Variants in ZNF148 observed in about 807,000 individuals in gnomAD.
ZNF148 encodes Beta-Enolase Repressor Factor-1.
Under a neutral mutation model 67.7 loss-of-function variants are expected in ZNF148, and 7 were observed. That is an observed-to-expected ratio of 0.10 (90% CI 0.06 to 0.19). The LOEUF (loss-of-function observed/expected upper bound fraction) is 0.19, where lower values mean the gene tolerates loss of function less well. Among genes scored for constraint, ZNF148 ranks in the 10% least tolerant of loss-of-function variants. The pLI, the probability that ZNF148 is intolerant of heterozygous loss-of-function variation, is 1.00. For missense variants in ZNF148, 583 were observed against 947.1 expected (o/e 0.62, Z 5.05); for synonymous variants, 333 against 330.7 (o/e 1.01, Z -0.08).
At chr3:125,297,108 G>C (rs1388097892) in intron 4 of ZNF148, among the ~76,000 whole-genome samples, 2 of 135,500 alleles carry the variant, frequency 1.5e-5, no homozygotes, top group African/African-American at 5.7e-5. Context: ...TCTAGTCCTA[G>C]CACAAATCCT....
chr3:125,280,775 A>AAG, intron 5 of ZNF148, among the ~76,000 whole-genome samples: 2 of 149,252 alleles, frequency 1.3e-5, no homozygotes, highest in East Asian at 1.9e-4. Flanking sequence ...AAAAAAAAAA[A>AAG]GGCACAACAT....
At position 125,310,854 on chromosome 3, in the gene ZNF148, C is replaced by G. The variant is rs78385620; in HGVS notation, c.333+2454G>C. 5.6e-5 allele frequency: 11 copies of G among 195,990 alleles called. No homozygotes were observed. In the East Asian group the frequency reaches 1.2e-3, roughly 22 times the overall value. 12.1% of individuals were successfully genotyped at this position (195,990 alleles called of 1,614,324 possible). ...AAATGGACACTTAAAAATTGTTGCT[C>G]TCTCCTCTGCTCGCATTTTCACTCT... On this transcript the variant is annotated intron_variant, in intron 4 of 8. Transcript: ENST00000360647.
rs541859827 is a variant in ZNF148, at chr3:125,300,340, A to T, written c.334-12112T>A. Among the ~76,000 whole-genome samples the T allele has an allele frequency of 4.6e-5, 7 of 152,348 alleles. No individual in the cohort carries two copies. The East Asian group carries it at 1.3e-3, about 29-fold the overall frequency. ...TAAAAGACAATGCAATCACTTCAAA[A>T]GGTAAGGACCCAACAGCCAGTGCAA... On this transcript the variant is annotated intron_variant, in intron 4 of 8. Coordinates refer to ENST00000360647, the MANE Select transcript of ZNF148 (RefSeq NM_021964.3).
intron 7 of ZNF148, among the ~76,000 whole-genome samples, chr3:125,257,112 A>T (rs1465339014): frequency 1.3e-5 from 2 of 151,974 alleles, no homozygotes; most frequent in Non-Finnish European, 2.9e-5. Flanking sequence ...CTAATCTCTG[A>T]ATCACCCATG....
intron 4 of ZNF148, among the ~76,000 whole-genome samples, chr3:125,303,890 C>T (rs542440757): frequency 5.9e-4 from 90 of 151,950 alleles, no homozygotes; most frequent in African/African-American, 1.8e-3. Flanking sequence ...GATACACTGT[C>T]GCAATGTGAA....
At chr3:125,235,714 C>T (rs961416842) in intron 7 of ZNF148, among the ~76,000 whole-genome samples, 14 of 151,612 alleles carry the variant, frequency 9.2e-5, no homozygotes, top group East Asian at 7.7e-4. Flanking sequence ...TGTCCAACAA[C>T]GATAGACTGG....
chr3:125,301,637 G>A (rs908522186), intron 4 of ZNF148, among the ~76,000 whole-genome samples: 2 of 152,126 alleles, frequency 1.3e-5, no homozygotes, highest in African/African-American at 4.8e-5. Flanking sequence ...TCATTAACAT[G>A]CTCAATATCA....
rs1204677848 is a variant in ZNF148 at position 125,228,732 on chromosome 3, T to A, written c.*3609A>T. 6.6e-6 allele frequency: 1 copy of A among 152,580 alleles called. No homozygotes were observed. The highest frequency in any genetic ancestry group is 2.4e-5 in the African/African-American group (1 of 41,464). 9.5% of individuals were successfully genotyped at this position (152,580 alleles called of 1,614,324 possible). The stretch of plus-strand genomic sequence containing the variant: ...TAAACATCATAAAGGAAGACTCACA[T>A]AAAAGTCCTTGATTGTCAAGACACG... On this transcript the variant is annotated 3_prime_UTR_variant, in exon 9 of 9. Transcript: ENST00000360647.
intron 7 of ZNF148, among the ~76,000 whole-genome samples, chr3:125,247,013 T>C (rs973420480): frequency 1.3e-5 from 2 of 152,102 alleles, no homozygotes; most frequent in African/African-American, 4.8e-5. Flanking sequence ...TTACAACCAA[T>C]GAAGTAGAAT....
intron 1 of ZNF148, among the ~76,000 whole-genome samples, chr3:125,359,148 T>C (rs1178356953): frequency 6.6e-6 from 1 of 152,224 alleles, no homozygotes. Context: ...CCAAGTTTCA[T>C]GAGTTGAGCA....
At chr3:125,259,288 T>C (rs1043510084) in intron 7 of ZNF148, among the ~76,000 whole-genome samples, 1 of 152,154 alleles carries the variant, frequency 6.6e-6, no homozygotes, top group Non-Finnish European at 1.5e-5. Context: ...GTCCTTATAG[T>C]AAAACCACAG....
At chr3:125,320,868 T>C (rs1940739256) in intron 3 of ZNF148, among the ~76,000 whole-genome samples, 1 of 152,202 alleles carries the variant, frequency 6.6e-6, no homozygotes, top group African/African-American at 2.4e-5. Flanking sequence ...TTAACATTTC[T>C]AACCTATGTT....
At chr3:125,266,169 AAACT>A (rs1282327886) in intron 7 of ZNF148, among the ~76,000 whole-genome samples, 3 of 152,206 alleles carry the variant, frequency 2.0e-5, no homozygotes, top group Non-Finnish European at 4.4e-5. Flanking sequence ...TTGAGGCAGA[AAACT>A]AACACAGAAA....
intron 7 of ZNF148, among the ~76,000 whole-genome samples, chr3:125,249,341 AC>A (rs911563711): frequency 1.2e-4 from 19 of 152,278 alleles, no homozygotes; most frequent in African/African-American, 3.6e-4. Flanking sequence ...CAAATAGCCT[AC>A]TTTTAAAATG....
At chr3:125,256,171 G>A (rs1448936721) in intron 7 of ZNF148, among the ~76,000 whole-genome samples, 1 of 151,362 alleles carries the variant, frequency 6.6e-6, no homozygotes, top group Non-Finnish European at 1.5e-5. Context: ...AGCCCATCCT[G>A]GCTAACACAG....
intron 1 of ZNF148, among the ~76,000 whole-genome samples, chr3:125,368,372 C>T (rs1361943231): frequency 6.6e-6 from 1 of 152,220 alleles, no homozygotes; most frequent in African/African-American, 2.4e-5. Context: ...ACTCAACCAA[C>T]ATTTATGTAG....
At chr3:125,361,124 T>C (rs566593177) in intron 1 of ZNF148, among the ~76,000 whole-genome samples, 1 of 152,140 alleles carries the variant, frequency 6.6e-6, no homozygotes, top group Non-Finnish European at 1.5e-5. Flanking sequence ...CCAATCACTA[T>C]CAACTCTTGC....
intron 4 of ZNF148, among the ~76,000 whole-genome samples, chr3:125,296,186 A>G (rs1226342424): frequency 6.6e-6 from 1 of 151,250 alleles, no homozygotes; most frequent in Non-Finnish European, 1.5e-5. Context: ...CAGTGGTGCA[A>G]TCTCGCCTCA....
At chr3:125,361,149 C>T (rs1942525508) in intron 1 of ZNF148, among the ~76,000 whole-genome samples, 1 of 152,106 alleles carries the variant, frequency 6.6e-6, no homozygotes, top group African/African-American at 2.4e-5. Flanking sequence ...TTATTGTGAC[C>T]ACCTGTCTCA....
Sources: allele counts gnomAD v4.1 joint callset (sites outside exome capture counted in the v4.1 genomes callset), GRCh38; gene constraint gnomAD v4.1.1; transcripts MANE v1.5; gene names NCBI Gene and HGNC (gene_info 2026-07-23, HGNC 2026-07-21).